EFCAB11: variants seen among roughly 807,000 people sequenced by gnomAD.
EFCAB11 encodes the protein EF-hand calcium binding domain 11.
EFCAB11 carries 14 observed loss-of-function variants against 23.0 expected under a neutral mutation model. The ratio of observed to expected loss-of-function variants is 0.61; its 90% confidence interval spans 0.40 to 0.95. The LOEUF (loss-of-function observed/expected upper bound fraction) is 0.95, where lower values mean the gene tolerates loss of function less well. Among genes scored for constraint, EFCAB11 ranks in the 40% least tolerant of loss-of-function variants. The pLI is 0.00. For synonymous variants in EFCAB11, 65 were observed against 66.6 expected (o/e 0.98, Z 0.11); for missense variants, 198 against 195.8 (o/e 1.01, Z -0.07).
intron 5 of EFCAB11, among the ~76,000 whole-genome samples, chr14:89,835,366 C>T (rs1452799075): frequency 6.6e-6 from 1 of 152,076 alleles, no homozygotes; most frequent in African/African-American, 2.4e-5. Context: ...GGATGGCACT[C>T]AAATGTAAAG....
intron 5 of EFCAB11, among the ~76,000 whole-genome samples, chr14:89,891,761 G>T (rs1179632917): frequency 2.0e-5 from 3 of 152,142 alleles, no homozygotes; most frequent in Non-Finnish European, 4.4e-5. Flanking sequence ...ATCCTACTGT[G>T]CATTAAAAAG....
At chr14:89,929,800 A>G (rs1483712761) in intron 5 of EFCAB11, among the ~76,000 whole-genome samples, 1 of 151,018 alleles carries the variant, frequency 6.6e-6, no homozygotes. Flanking sequence ...TTCTCCCTGT[A>G]GCATAGCTTT....
At position 89,796,985 on chromosome 14, in the gene EFCAB11, T is replaced by G; in HGVS notation, c.*258A>C. ...AGCAACCATCTCTAGGATTCTGAGA[T>G]GCAAGTCTATCATCAGCATCCAAAA... On this transcript the variant is annotated 3_prime_UTR_variant, in exon 6 of 6. Transcript: ENST00000316738. 1 of 217,722 alleles carries G rather than the reference T, an allele frequency of 4.6e-6. No individual in the cohort carries two copies. The highest frequency in any genetic ancestry group is 9.3e-6 in the Non-Finnish European group (1 of 107,944). 13.5% of individuals were successfully genotyped at this position (217,722 alleles called of 1,614,324 possible).
intron 5 of EFCAB11, among the ~76,000 whole-genome samples, chr14:89,903,977 G>GT (rs138447121): frequency 0.026 from 3,941 of 151,886 alleles, 196 homozygotes; most frequent in African/African-American, 0.089. Context: ...AAACATATCT[G>GT]TTTTTTTAAT....
intron 5 of EFCAB11, among the ~76,000 whole-genome samples, chr14:89,856,433 G>A (rs1001821282): frequency 5.3e-5 from 8 of 151,876 alleles, no homozygotes; most frequent in South Asian, 2.1e-4. Flanking sequence ...CAAGCAATCC[G>A]CCCACCTTGG....
At chr14:89,909,209 G>A (rs966028197) in intron 5 of EFCAB11, among the ~76,000 whole-genome samples, 1 of 152,176 alleles carries the variant, frequency 6.6e-6, no homozygotes, top group African/African-American at 2.4e-5. Flanking sequence ...CGGTCCCTAG[G>A]ATCAGCCCAA....
intron 3 of EFCAB11, among the ~76,000 whole-genome samples, chr14:89,941,444 T>C (rs1890788439): frequency 6.6e-6 from 1 of 152,166 alleles, no homozygotes; most frequent in Non-Finnish European, 1.5e-5. Context: ...GAAGGGCTCA[T>C]CAATTGGTTA....
At chr14:89,898,065 C>G (rs1003719836) in intron 5 of EFCAB11, among the ~76,000 whole-genome samples, 2 of 152,048 alleles carry the variant, frequency 1.3e-5, no homozygotes, top group Non-Finnish European at 1.5e-5. Context: ...AAATGCACAC[C>G]AACTTTATAA....
At chr14:89,869,569 G>C (rs901088252) in intron 5 of EFCAB11, among the ~76,000 whole-genome samples, 89 of 152,190 alleles carry the variant, frequency 5.8e-4, no homozygotes, top group African/African-American at 2.1e-3. Flanking sequence ...AGAAGCATGA[G>C]CTATAGAATC....
In EFCAB11 at chr14:89,866,717, T is replaced by C. The variant is rs114941050; in HGVS notation, c.410+64824A>G. 8.7e-3 allele frequency among the ~76,000 whole-genome samples: 1,321 copies of C among 152,358 alleles called. 17 individuals are homozygous for C. Among genetic ancestry groups the C allele is most frequent in the African/African-American group, 0.03 (1,268 of 41,586 alleles). ...TCCAGCTCAATCAGGCCCCGGGCTATAATCATTCATGATGTTCTTTGGTTT... is the reference window on the plus strand; with the variant it reads ...TCCAGCTCAATCAGGCCCCGGGCTACAATCATTCATGATGTTCTTTGGTTT... On this transcript the variant is annotated intron_variant, in intron 5 of 5. Transcript: ENST00000316738.
intron 5 of EFCAB11, among the ~76,000 whole-genome samples, chr14:89,912,389 C>CT (rs139451621): frequency 0.13 from 19,067 of 151,276 alleles, 3,324 homozygotes; most frequent in African/African-American, 0.4. Flanking sequence ...AGCTCAGGGG[C>CT]TTTTTTTTTC....
intron 5 of EFCAB11, among the ~76,000 whole-genome samples, chr14:89,823,945 G>C (rs1475636437): frequency 2.6e-5 from 4 of 152,060 alleles, no homozygotes; most frequent in Non-Finnish European, 4.4e-5. Flanking sequence ...TGACTTGTGG[G>C]GCAATATCAC....
intron 5 of EFCAB11, among the ~76,000 whole-genome samples, chr14:89,878,654 C>T (rs950405530): frequency 6.6e-6 from 1 of 152,036 alleles, no homozygotes; most frequent in African/African-American, 2.4e-5. Flanking sequence ...ATATGGAGTA[C>T]ATTTTACATA....
chr14:89,800,685 G>A (rs1228851146), intron 5 of EFCAB11, among the ~76,000 whole-genome samples: 1 of 152,062 alleles, frequency 6.6e-6, no homozygotes, highest in Non-Finnish European at 1.5e-5. Context: ...AGGCTTTTTT[G>A]GTGTGTTTGT....
At chr14:89,906,172 AAAATAAATAAATAAATAAATAAAT>A (rs59351985) in intron 5 of EFCAB11, among the ~76,000 whole-genome samples, 3 of 145,134 alleles carry the variant, frequency 2.1e-5, no homozygotes, top group East Asian at 4.0e-4. Flanking sequence ...TTAGAGCACT[AAAATAAATAAATAAATAAATAAAT>A]AAATAAATAA....
rs574432505 is a variant in EFCAB11 at position 89,870,560 on chromosome 14, T to C, written c.410+60981A>G. On this transcript the variant is annotated intron_variant, in intron 5 of 5. Transcript: ENST00000316738. ...ATACATACAAAAGAACATATGTGACTAATAGGTATATGATGAAGCATAATA... is the reference window on the plus strand; with the variant it reads ...ATACATACAAAAGAACATATGTGACCAATAGGTATATGATGAAGCATAATA... Among the ~76,000 whole-genome samples the C allele has an allele frequency of 5.8e-4, 89 of 152,174 alleles. 1 individual carries two copies. Among genetic ancestry groups the C allele is most frequent in the African/African-American group, 2.1e-3 (86 of 41,494 alleles).
At position 89,884,561 on chromosome 14, in the gene EFCAB11, A is replaced by G. The variant is rs149942868; in HGVS notation, c.410+46980T>C. 5.9e-5 allele frequency among the ~76,000 whole-genome samples: 9 copies of G among 152,256 alleles called. No homozygotes were observed. The East Asian group carries it at 1.3e-3, about 23-fold the overall frequency. On this transcript the variant is annotated intron_variant, in intron 5 of 5. Coordinates refer to ENST00000316738, the MANE Select transcript of EFCAB11 (RefSeq NM_145231.4). Reference sequence around the variant, plus strand: ...TGTGGGAGACCCTAGCTGATATAGTAAGAAAAGAAAAAGAAATCAATGACA... The same window carrying G: ...TGTGGGAGACCCTAGCTGATATAGTGAGAAAAGAAAAAGAAATCAATGACA...
chr14:89,935,736 C>T (rs1038261268), intron 3 of EFCAB11, among the ~76,000 whole-genome samples: 43 of 152,054 alleles, frequency 2.8e-4, no homozygotes, highest in African/African-American at 1.0e-3. Context: ...TAGCCAGGTG[C>T]GGTAGCTCAC....
At chr14:89,797,694 G>A (rs1375249890) in intron 5 of EFCAB11, among the ~76,000 whole-genome samples, 8 of 152,206 alleles carry the variant, frequency 5.3e-5, no homozygotes, top group Non-Finnish European at 8.8e-5. Flanking sequence ...CACTTTGGGA[G>A]GCCAAGGTGG....
Sources: allele counts gnomAD v4.1 joint callset (sites outside exome capture counted in the v4.1 genomes callset), GRCh38; gene constraint gnomAD v4.1.1; transcripts MANE v1.5; gene names NCBI Gene and HGNC (gene_info 2026-07-23, HGNC 2026-07-21).